The following ZNF618 variants were observed in gnomAD, a reference collection of about 807,000 sequenced individuals.
ZNF618 encodes zinc finger protein 618.
Under a neutral mutation model 103.0 loss-of-function variants are expected in ZNF618, and 34 were observed. That is an observed-to-expected ratio of 0.33 (90% CI 0.25 to 0.44). ZNF618 has a LOEUF of 0.44. Ranked by LOEUF, ZNF618 falls within the 20% of genes least tolerant of loss-of-function variation. The probability of loss-of-function intolerance (pLI) is 1.00; values close to 1 mark genes in which losing one functional copy is unlikely to be tolerated. For missense variants in ZNF618, 1,059 were observed against 1,295.4 expected, an observed-to-expected ratio of 0.82 and a Z score of 2.80; for synonymous variants, 551 against 542.2, an observed-to-expected ratio of 1.02 and a Z score of -0.23.
At chr9:113,956,222 AAAAAAAAAAAAAAAAAAG>A (rs1442433877) in intron 1 of ZNF618, among the ~76,000 whole-genome samples, 1 of 149,938 alleles carries the variant, frequency 6.7e-6, no homozygotes, top group African/African-American at 2.4e-5. Context: ...AAAAAAAAAA[AAAAAAAAAAAAAAAAAAG>A]AAGAGCATTG....
rs1220691599 is a variant in ZNF618, at chr9:113,876,333, C to CT, written c.-48_-47insT. The CT allele has an allele frequency of 9.5e-6, 11 of 1,158,382 alleles. No individual in the cohort carries two copies. Among genetic ancestry groups the CT allele is most frequent in the Non-Finnish European group, 1.2e-5 (11 of 946,142 alleles). 71.8% of individuals were successfully genotyped at this position (1,158,382 alleles called of 1,614,324 possible). On this transcript the variant is annotated 5_prime_UTR_variant, in exon 1 of 15. Transcript: ENST00000374126. Reference sequence around the variant, plus strand: ...CATTGTGCGCGCACCAGCAGCCCGGCCCGGGAGGAGCAGGACGCGCCGGGG... The same window carrying CT: ...CATTGTGCGCGCACCAGCAGCCCGGCTCCGGGAGGAGCAGGACGCGCCGGGG...
intron 9 of ZNF618, 21 bp downstream of exon 9, chr9:114,008,575 G>A: frequency 6.2e-7 from 1 of 1,613,026 alleles, no homozygotes; most frequent in Non-Finnish European, 8.5e-7. Context: ...TTCCCTCTGG[G>A]GCCAAGGGCT....
intron 1 of ZNF618, among the ~76,000 whole-genome samples, chr9:113,958,803 T>A (rs1412996350): frequency 6.6e-6 from 1 of 152,118 alleles, no homozygotes; most frequent in Non-Finnish European, 1.5e-5. Flanking sequence ...CAGCCAACCC[T>A]CCCTGGACTT....
At chr9:113,931,840 T>C (rs1833616759) in intron 1 of ZNF618, among the ~76,000 whole-genome samples, 1 of 152,244 alleles carries the variant, frequency 6.6e-6, no homozygotes, top group South Asian at 2.1e-4. Context: ...CTTTTTTAAA[T>C]GTGTCTACTA....
intron 1 of ZNF618, among the ~76,000 whole-genome samples, chr9:113,906,961 C>G (rs987053958): frequency 1.3e-5 from 2 of 152,236 alleles, no homozygotes; most frequent in African/African-American, 4.8e-5. Context: ...CAGGCAGGCC[C>G]TCTCCAAGTG....
chr9:114,027,296 G>C (rs1843597927), intron 10 of ZNF618, among the ~76,000 whole-genome samples: 1 of 152,174 alleles, frequency 6.6e-6, no homozygotes, highest in African/African-American at 2.4e-5. Flanking sequence ...CAGGTCACAA[G>C]GGACACAAGT....
At chr9:113,990,690 G>A (rs181554841) in intron 3 of ZNF618, among the ~76,000 whole-genome samples, 13 of 152,276 alleles carry the variant, frequency 8.5e-5, no homozygotes, top group Admixed American at 7.2e-4. Context: ...AGAGAGAGAG[G>A]TGTTAATTCC....
Position 114,049,661 on chromosome 9 carries a change from C to T in ZNF618, c.2359C>T (p.Leu787Phe). ...AGGCACTGTCAGCAAGCTCTGCCACCTCTTCCTGGAGGCGCTCAAGGAGAA... is the reference window on the plus strand; with the variant it reads ...AGGCACTGTCAGCAAGCTCTGCCACTTCTTCCTGGAGGCGCTCAAGGAGAA... ...DAGTVSKLCH[L>F]FLEALKENFK... The change falls in exon 15 of 15, where the codon CTC becomes TTC. Residue 787 changes from leucine (L) to phenylalanine (F), a missense_variant. Physicochemically the swap from Leu to Phe is conservative, Grantham distance 22. Transcript: ENST00000374126. The T allele has an allele frequency of 6.2e-7, 1 of 1,613,844 alleles. No individual in the cohort carries two copies. Among genetic ancestry groups the T allele is most frequent in the Middle Eastern group, 1.6e-4 (1 of 6,062 alleles).
At chr9:114,000,258 C>T (rs962081733) in intron 4 of ZNF618, among the ~76,000 whole-genome samples, 3 of 152,028 alleles carry the variant, frequency 2.0e-5, no homozygotes, top group African/African-American at 7.2e-5. Flanking sequence ...TGATACAGAC[C>T]TCAGTCATGA....
chr9:113,977,986 T>C (rs1838634786), intron 2 of ZNF618, among the ~76,000 whole-genome samples: 1 of 152,252 alleles, frequency 6.6e-6, no homozygotes, highest in African/African-American at 2.4e-5. Context: ...ATTAAGTGCC[T>C]AAGAATTATC....
At chr9:113,992,733 A>T (rs1041723731) in intron 3 of ZNF618, among the ~76,000 whole-genome samples, 13 of 152,206 alleles carry the variant, frequency 8.5e-5, no homozygotes, top group African/African-American at 2.9e-4. Context: ...CAGACAAACA[A>T]TGTTCCCAGT....
rs10124175 is a variant in ZNF618 at position 113,895,785 on chromosome 9, G to A, written c.33+19372G>A. Among the ~76,000 whole-genome samples the A allele has an allele frequency of 9.9e-3, 1,501 of 152,122 alleles. 25 individuals carry two copies. Among genetic ancestry groups the A allele is most frequent in the African/African-American group, 0.034 (1,406 of 41,538 alleles). ...CTGCTTGGAATGATTTATATTGCACGGGAATTATCTTTTCAGAGTTTAAAA... is the reference window on the plus strand; with the variant it reads ...CTGCTTGGAATGATTTATATTGCACAGGAATTATCTTTTCAGAGTTTAAAA... On this transcript the variant is annotated intron_variant, in intron 1 of 14. Transcript: ENST00000374126.
chr9:114,000,407 C>T (rs1261794017), intron 4 of ZNF618, among the ~76,000 whole-genome samples: 3 of 152,178 alleles, frequency 2.0e-5, no homozygotes, highest in Admixed American at 6.5e-5. Flanking sequence ...GGCCCGTGAC[C>T]GCATGTGGAC....
Position 113,969,192 on chromosome 9 carries a change from A to T in ZNF618, c.77+32A>T, listed in dbSNP as rs554038793. Reference sequence around the variant, plus strand: ...TCCCTCTCCCGCCCCCAGCTTGTCCACCCATCGACTCAGGTCTTCATGACT... The same window carrying T: ...TCCCTCTCCCGCCCCCAGCTTGTCCTCCCATCGACTCAGGTCTTCATGACT... On this transcript the variant is annotated intron_variant, in intron 2 of 14. Transcript: ENST00000374126. 18 of 1,613,716 alleles carry T rather than the reference A, an allele frequency of 1.1e-5. No individual in the cohort carries two copies. In the South Asian group the frequency reaches 2.0e-4, roughly 18 times the overall value.
intron 1 of ZNF618, among the ~76,000 whole-genome samples, chr9:113,934,811 T>G (rs1833894477): frequency 6.6e-6 from 1 of 152,204 alleles, no homozygotes; most frequent in Non-Finnish European, 1.5e-5. Context: ...GGGAAGGCCT[T>G]GGGCGTGAGG....
At chr9:113,951,535 GTACATA>G (rs1564207893) in intron 1 of ZNF618, among the ~76,000 whole-genome samples, 1 of 62,044 alleles carries the variant, frequency 1.6e-5, no homozygotes, top group African/African-American at 4.7e-5. Context: ...ACATATGTGT[GTACATA>G]TGTACACATA....
intron 10 of ZNF618, 54 bp downstream of exon 10, chr9:114,016,838 G>A (rs760528788): frequency 2.8e-6 from 4 of 1,444,126 alleles, no homozygotes; most frequent in African/African-American, 2.8e-5. Context: ...GACAGGGTGG[G>A]CCAGCCGTTG....
chr9:113,943,959 G>C (rs562547919), intron 1 of ZNF618, among the ~76,000 whole-genome samples: 113 of 152,312 alleles, frequency 7.4e-4, no homozygotes, highest in South Asian at 8.3e-4. Flanking sequence ...TAGGTTTTCA[G>C]GTTTCCTCGT....
intron 1 of ZNF618, among the ~76,000 whole-genome samples, chr9:113,968,333 T>G (rs186032622): frequency 1.3e-5 from 2 of 152,220 alleles, no homozygotes; most frequent in Non-Finnish European, 1.5e-5. Flanking sequence ...GAAACACATA[T>G]GCACCTGAAT....
Sources: allele counts gnomAD v4.1 joint callset (sites outside exome capture counted in the v4.1 genomes callset), GRCh38; gene constraint gnomAD v4.1.1; transcripts MANE v1.5; gene names NCBI Gene and HGNC (gene_info 2026-07-23, HGNC 2026-07-21).